Variants in GFRA2 observed in about 807,000 individuals in gnomAD.
The protein encoded by GFRA2 is GDNF family receptor alpha-2.
Under a neutral mutation model 48.3 loss-of-function variants are expected in GFRA2, and 17 were observed. The observed-to-expected ratio is 0.35, with a 90% CI of 0.24 to 0.53. GFRA2 has a LOEUF of 0.53. Ranked by LOEUF, GFRA2 falls within the 20% of genes least tolerant of loss-of-function variation. GFRA2 has a pLI of 0.93. For missense variants in GFRA2, 660 were observed against 637.3 expected (o/e 1.04, Z -0.38); for synonymous variants, 305 against 257.2 (o/e 1.19, Z -1.78).
rs141323243 is a variant in GFRA2 at position 21,715,245 on chromosome 8, G to T, written c.795-9204C>A. 1.7e-3 allele frequency among the ~76,000 whole-genome samples: 256 copies of T among 152,300 alleles called. 1 individual carries two copies. The highest frequency in any genetic ancestry group is 5.9e-3 in the African/African-American group (245 of 41,578). The stretch of plus-strand genomic sequence containing the variant: ...CTTACTATTCTTTCTGCCCAGAACA[G>T]CAGCTCCCCTGGGGTGGGCTGGGGA... On this transcript the variant is annotated intron_variant, in intron 4 of 8. Coordinates refer to ENST00000524240, the MANE Select transcript of GFRA2 (RefSeq NM_001495.5).
At position 21,715,880 on chromosome 8, in the gene GFRA2, GGAGAGAGAGAGAAC is replaced by G. The variant is rs1803306425; in HGVS notation, c.795-9853_795-9840del. Among the ~76,000 whole-genome samples, 3 of 152,184 alleles carry G rather than the reference GGAGAGAGAGAGAAC, an allele frequency of 2.0e-5. 1 individual carries two copies. In the South Asian group the frequency reaches 6.2e-4, roughly 32 times the overall value. The stretch of plus-strand genomic sequence containing the variant: ...AGAAACAAGGTACAAGAAAAGCAAG[GGAGAGAGAGAGAAC>G]GAGAGAGAGAGAGACCAAGACCTAT... On this transcript the variant is annotated intron_variant, in intron 4 of 8. Transcript: ENST00000524240.
At chr8:21,801,039 A>G (rs1807761238) in intron 2 of GFRA2, among the ~76,000 whole-genome samples, 1 of 152,110 alleles carries the variant, frequency 6.6e-6, no homozygotes, top group Non-Finnish European at 1.5e-5. Flanking sequence ...GAGGAGACCT[A>G]TTGTGCCAAG....
chr8:21,700,937 A>C (rs1200727549), intron 7 of GFRA2, among the ~76,000 whole-genome samples: 1 of 152,038 alleles, frequency 6.6e-6, no homozygotes, highest in Non-Finnish European at 1.5e-5. Flanking sequence ...CCACAAAGCC[A>C]CTCAATCAGA....
chr8:21,774,538 C>T (rs910035201), intron 3 of GFRA2, among the ~76,000 whole-genome samples: 22 of 152,324 alleles, frequency 1.4e-4, no homozygotes, highest in African/African-American at 4.8e-4. Flanking sequence ...CACCCACTGA[C>T]CCACTTAGAC....
chr8:21,751,525 A>G (rs904931217), intron 3 of GFRA2, among the ~76,000 whole-genome samples: 1 of 151,160 alleles, frequency 6.6e-6, no homozygotes, highest in East Asian at 1.9e-4. Flanking sequence ...GGCCTGCCCA[A>G]GGTTGCCCAG....
At chr8:21,725,807 C>T (rs563543700) in intron 4 of GFRA2, among the ~76,000 whole-genome samples, 5 of 152,330 alleles carry the variant, frequency 3.3e-5, no homozygotes, top group Admixed American at 6.5e-5. Flanking sequence ...CGCCGGTCCT[C>T]TCAGAGGCAT....
chr8:21,721,301 G>A (rs1202250918), intron 4 of GFRA2, among the ~76,000 whole-genome samples: 1 of 152,146 alleles, frequency 6.6e-6, no homozygotes, highest in Non-Finnish European at 1.5e-5. Context: ...TTAGAAACTT[G>A]GAAAAGTGTC....
intron 1 of GFRA2, among the ~76,000 whole-genome samples, chr8:21,811,381 C>T (rs2117125957): frequency 6.6e-6 from 1 of 152,298 alleles, no homozygotes; most frequent in African/African-American, 2.4e-5. Flanking sequence ...GTGACTTTAC[C>T]AGCTCTTAGG....
At chr8:21,708,740 T>A (rs1288580212) in intron 4 of GFRA2, among the ~76,000 whole-genome samples, 5 of 152,056 alleles carry the variant, frequency 3.3e-5, no homozygotes, top group Non-Finnish European at 7.3e-5. Context: ...AGCCAAGGAA[T>A]GCCCAGGGCT....
intron 2 of GFRA2, 72 bp downstream of exon 2, chr8:21,782,513 C>G (rs1585337599): frequency 8.4e-7 from 1 of 1,187,158 alleles, no homozygotes; most frequent in Admixed American, 2.1e-5. Flanking sequence ...CCTCCTGAAC[C>G]CCTGGCCCGC....
At chr8:21,719,641 T>C (rs1803499524) in intron 4 of GFRA2, among the ~76,000 whole-genome samples, 1 of 152,226 alleles carries the variant, frequency 6.6e-6, no homozygotes, top group Non-Finnish European at 1.5e-5. Flanking sequence ...GACTTATTAT[T>C]GTGTTAAGAG....
chr8:21,699,862 C>T (rs1345402933), intron 7 of GFRA2, among the ~76,000 whole-genome samples: 1 of 152,210 alleles, frequency 6.6e-6, no homozygotes, highest in Non-Finnish European at 1.5e-5. Context: ...CCACTCCATG[C>T]CAGGCACTGT....
At chr8:21,764,582 C>A (rs969406909) in intron 3 of GFRA2, among the ~76,000 whole-genome samples, 6 of 152,242 alleles carry the variant, frequency 3.9e-5, no homozygotes, top group African/African-American at 1.4e-4. Context: ...CCAGCTCTGC[C>A]TTCTCTCTGT....
chr8:21,738,781 C>T (rs1012101390), intron 4 of GFRA2, among the ~76,000 whole-genome samples: 5 of 152,162 alleles, frequency 3.3e-5, no homozygotes, highest in Non-Finnish European at 5.9e-5. Flanking sequence ...CTGTGGGGGC[C>T]GGCCCCGCAT....
At chr8:21,739,772 TC>T (rs947667759) in intron 4 of GFRA2, among the ~76,000 whole-genome samples, 1 of 152,102 alleles carries the variant, frequency 6.6e-6, no homozygotes, top group Non-Finnish European at 1.5e-5. Context: ...GGGGCACCTC[TC>T]CAACAGCCCC....
intron 4 of GFRA2, among the ~76,000 whole-genome samples, chr8:21,741,420 C>A (rs969962345): frequency 2.0e-5 from 3 of 152,186 alleles, no homozygotes; most frequent in African/African-American, 7.2e-5. Context: ...CAGATTCCCC[C>A]TCTCTGCCCC....
At chr8:21,733,345 G>A (rs1034651085) in intron 4 of GFRA2, among the ~76,000 whole-genome samples, 6 of 152,242 alleles carry the variant, frequency 3.9e-5, no homozygotes, top group Admixed American at 1.3e-4. Context: ...CTGGCCTGCC[G>A]GAAGCCCAAG....
chr8:21,755,707 T>C (rs1346284891), intron 3 of GFRA2, among the ~76,000 whole-genome samples: 1 of 151,666 alleles, frequency 6.6e-6, no homozygotes, highest in Non-Finnish European at 1.5e-5. Context: ...TCAGAGGAAG[T>C]AAAGACAGCA....
At chr8:21,751,082 A>T (rs1372673100) in intron 3 of GFRA2, 140 bp from the exon 4 acceptor site, 2 of 651,814 alleles carry the variant, frequency 3.1e-6, no homozygotes, top group Non-Finnish European at 5.4e-6. Flanking sequence ...CCTTTGCGAA[A>T]TGGGGATCAC....
Sources: allele counts gnomAD v4.1 joint callset (sites outside exome capture counted in the v4.1 genomes callset), GRCh38; gene constraint gnomAD v4.1.1; transcripts MANE v1.5; gene names NCBI Gene and HGNC (gene_info 2026-07-23, HGNC 2026-07-21).